Variants in LIMS2 observed in about 807,000 individuals in gnomAD.
LIMS2 encodes the protein LIM zinc finger domain containing 2.
Under a neutral mutation model 45.3 loss-of-function variants are expected in LIMS2, and 30 were observed. That is an observed-to-expected ratio of 0.66 (90% CI 0.50 to 0.90). The LOEUF (loss-of-function observed/expected upper bound fraction) is 0.90, where lower values mean the gene tolerates loss of function less well. LIMS2 is among the 40% of genes least tolerant of loss of function. LIMS2 has a pLI of 0.00. For synonymous variants in LIMS2, 173 were observed against 188.0 expected, an observed-to-expected ratio of 0.92 and a Z score of 0.65; for missense variants, 485 against 468.7, an observed-to-expected ratio of 1.03 and a Z score of -0.32.
chr2:127,641,819 G>A (rs1429702930), intron 6 of LIMS2: 6 of 498,144 alleles, frequency 1.2e-5, no homozygotes, highest in Admixed American at 1.1e-4. Context: ...AAGAGGAGAG[G>A]TGGGCACAGC....
chr2:127,642,934 G>A lies in LIMS2; in HGVS notation c.498C>T (p.Cys166=), dbSNP rs1191572115. The stretch of plus-strand genomic sequence containing the variant: ...GGCTGCGCACCTACCCACAGTGGGT[G>A]CAGTTGAAGTGGTCAGGGTGGTAGG... ...SDAYHPDHFN[C]THCGKELTAE... The change falls in exon 5 of 10, where the codon TGC becomes TGT. Residue 166 remains cysteine (C), a synonymous_variant. Coordinates refer to ENST00000355119, the MANE Select transcript of LIMS2 (RefSeq NM_001161403.3). The surrounding 1 kb of genome is among the most constrained non-coding windows in gnomAD (Gnocchi z 5.3). The A allele has an allele frequency of 6.4e-7, 1 of 1,563,070 alleles. No individual in the cohort carries two copies.
chr2:127,673,481 C>T (rs1306290902), intron 1 of LIMS2, among the ~76,000 whole-genome samples: 1 of 152,214 alleles, frequency 6.6e-6, no homozygotes, highest in Non-Finnish European at 1.5e-5. Context: ...CTCGCCACCA[C>T]CTGCCTTCCC....
chr2:127,650,509 G>A (rs1683628506), intron 4 of LIMS2: 2 of 578,912 alleles, frequency 3.5e-6, no homozygotes, highest in South Asian at 2.3e-5. Context: ...CCCTGGTTCT[G>A]CGTTTGCCTT....
chr2:127,645,092 C>G (rs1682822932), intron 4 of LIMS2, among the ~76,000 whole-genome samples: 1 of 152,158 alleles, frequency 6.6e-6, no homozygotes, highest in Non-Finnish European at 1.5e-5. Context: ...ACACACGGAG[C>G]CTAAGTTCTG....
chr2:127,640,632 A>C (rs1292968672), intron 7 of LIMS2: 3 of 597,158 alleles, frequency 5.0e-6, no homozygotes, highest in Admixed American at 5.9e-5. Flanking sequence ...AGAGCAAGGG[A>C]GGGAGGGGGT....
At chr2:127,680,319 G>C (rs941398341), upstream of LIMS2, among the ~76,000 whole-genome samples, 3 of 152,236 alleles carry the variant, frequency 2.0e-5, no homozygotes, top group Admixed American at 2.0e-4. Flanking sequence ...TGGGCACGAT[G>C]GTGCATGCCT....
At chr2:127,655,947 G>A (rs965823814) in intron 2 of LIMS2, 1 of 152,228 alleles carries the variant, frequency 6.6e-6, no homozygotes, top group Non-Finnish European at 1.5e-5. Flanking sequence ...GGCAGGCCCT[G>A]CTGTGGGGCG....
intron 9 of LIMS2, 88 bp from the exon 10 acceptor site, chr2:127,639,516 C>T: frequency 1.3e-6 from 2 of 1,504,104 alleles, no homozygotes; most frequent in South Asian, 1.2e-5. Context: ...TCCCTCAGCC[C>T]CCAGCCTCCC....
At chr2:127,639,811 A>G (rs1682220796) in intron 9 of LIMS2, among the ~76,000 whole-genome samples, 1 of 152,156 alleles carries the variant, frequency 6.6e-6, no homozygotes, top group South Asian at 2.1e-4. Flanking sequence ...CCCTCCCCAG[A>G]GCCCAGGGTT....
Position 127,664,335 on chromosome 2 carries a change from C to T in LIMS2, c.12-6773G>A, listed in dbSNP as rs938360033. 3.3e-6 allele frequency: 4 copies of T among 1,229,310 alleles called. No homozygotes were observed. In the African/African-American group the frequency reaches 4.7e-5, roughly 14 times the overall value. 76.2% of individuals were successfully genotyped at this position (1,229,310 alleles called of 1,614,324 possible). On this transcript the variant is annotated intron_variant, in intron 1 of 9. Coordinates refer to ENST00000355119, the MANE Select transcript of LIMS2 (RefSeq NM_001161403.3). This position sits in a 1 kb window ranked among gnomAD's most constrained non-coding sequence, Gnocchi z 5.5. Reference sequence around the variant, plus strand: ...TGGCTGGCGGCGGGCTCTGCCGGTGCTGGCGCCGCCGGTACAGCCCCGACG... The same window carrying T: ...TGGCTGGCGGCGGGCTCTGCCGGTGTTGGCGCCGCCGGTACAGCCCCGACG...
chr2:127,657,690 A>C, intron 1 of LIMS2, 128 bp from the exon 2 acceptor site: 2 of 1,071,986 alleles, frequency 1.9e-6, no homozygotes, highest in Non-Finnish European at 2.6e-6. Context: ...GATCAGGAAA[A>C]TCGCTCTAAC....
intron 1 of LIMS2, among the ~76,000 whole-genome samples, chr2:127,660,799 C>T (rs921874658): frequency 8.5e-5 from 13 of 152,208 alleles, no homozygotes; most frequent in African/African-American, 1.7e-4. Flanking sequence ...CTCTACCTTC[C>T]GGCTCATCTT....
chr2:127,666,228 G>C (rs956177615), intron 1 of LIMS2, among the ~76,000 whole-genome samples: 1 of 151,932 alleles, frequency 6.6e-6, no homozygotes, highest in East Asian at 1.9e-4. Flanking sequence ...GAAAGTGGTG[G>C]AGTAAGGACC....
At chr2:127,652,946 G>T (rs1683952247) in intron 4 of LIMS2, among the ~76,000 whole-genome samples, 1 of 152,246 alleles carries the variant, frequency 6.6e-6, no homozygotes, top group African/African-American at 2.4e-5. Context: ...AGCCCTTGGG[G>T]CAGTGGCCCT....
At position 127,664,543 on chromosome 2, in the gene LIMS2, A is replaced by G; in HGVS notation, c.12-6981T>C. ...CCCGCGCTGGTCGCGAGCTCACGTT[A>G]CGCGCTGGGATCTCCAAAGGGCAGC... On this transcript the variant is annotated intron_variant, in intron 1 of 9. Transcript: ENST00000355119. The surrounding 1 kb of genome is among the most constrained non-coding windows in gnomAD (Gnocchi z 5.5). 1.7e-6 allele frequency: 2 copies of G among 1,150,716 alleles called. No homozygotes were observed. Among genetic ancestry groups the G allele is most frequent in the African/African-American group, 3.3e-5 (2 of 61,460 alleles). The allele number at this position is 1,150,716 out of a possible 1,614,324, so 71.3% of individuals were successfully genotyped here.
intron 1 of LIMS2, among the ~76,000 whole-genome samples, chr2:127,665,063 C>T (rs1474968948): frequency 6.6e-6 from 1 of 152,132 alleles, no homozygotes; most frequent in Non-Finnish European, 1.5e-5. Context: ...GACCTGGTGG[C>T]AACCACCAGG....
rs1682490840 is a variant in LIMS2, at chr2:127,642,169, C to T, written c.540G>A (p.Leu180=). ...AGGGCAGGCAGTAGAGCTCACCCTT[C>T]AGCTCGCGGGCCTCGGCTGTCAGCT... ...GKELTAEARE[L]KGELYCLPCH... The change falls in exon 6 of 10, where the codon CTG becomes CTA. Residue 180 remains leucine, a synonymous_variant. Transcript: ENST00000355119. This position sits in a 1 kb window ranked among gnomAD's most constrained non-coding sequence, Gnocchi z 5.3. 1 of 1,578,898 alleles carries T rather than the reference C, an allele frequency of 6.3e-7. No individual in the cohort carries two copies. The highest frequency in any genetic ancestry group is 1.3e-5 in the African/African-American group (1 of 74,334).
At chr2:127,657,146 T>C (rs919912152) in intron 2 of LIMS2, among the ~76,000 whole-genome samples, 1 of 152,192 alleles carries the variant, frequency 6.6e-6, no homozygotes, top group African/African-American at 2.4e-5. Context: ...AGGCTCTTCC[T>C]GCCCCCAGGG....
Position 127,664,577 on chromosome 2 carries a change from C to T in LIMS2, c.12-7015G>A, listed in dbSNP as rs1322309713. 8.7e-7 allele frequency: 1 copy of T among 1,144,736 alleles called. No individual in the cohort carries two copies. Among genetic ancestry groups the T allele is most frequent in the Non-Finnish European group, 1.1e-6 (1 of 932,770 alleles). The allele number at this position is 1,144,736 out of a possible 1,614,324, so 70.9% of individuals were successfully genotyped here. On this transcript the variant is annotated intron_variant, in intron 1 of 9. Coordinates refer to ENST00000355119, the MANE Select transcript of LIMS2 (RefSeq NM_001161403.3). The surrounding 1 kb of genome is among the most constrained non-coding windows in gnomAD (Gnocchi z 5.5). ...GATCTCCAAAGGGCAGCAGAGTCAA[C>T]TCCAAATAGAAAGGATATTGTTCGC...
Sources: allele counts gnomAD v4.1 joint callset (sites outside exome capture counted in the v4.1 genomes callset), GRCh38; gene constraint gnomAD v4.1.1; non-coding constraint Gnocchi (gnomAD v3.1); transcripts MANE v1.5; gene names NCBI Gene and HGNC (gene_info 2026-07-23, HGNC 2026-07-21).